PARP11: variants seen among roughly 807,000 people sequenced by gnomAD.
PARP11 encodes poly(ADP-ribose) polymerase family member 11, also known as protein mono-ADP-ribosyltransferase PARP11.
PARP11 carries 31 observed loss-of-function variants against 42.9 expected under a neutral mutation model. The ratio of observed to expected loss-of-function variants is 0.72; its 90% CI spans 0.54 to 0.98. The LOEUF (loss-of-function observed/expected upper bound fraction) is 0.98, where lower values mean the gene tolerates loss of function less well. Ranked by LOEUF, PARP11 falls within the 50% of genes least tolerant of loss-of-function variation. PARP11 has a pLI of 0.00. For missense variants in PARP11, 365 were observed against 413.1 expected (o/e 0.88, Z 1.01); for synonymous variants, 137 against 127.3 (o/e 1.08, Z -0.51).
chr12:3,848,085 T>C (rs892766523), intron 1 of PARP11, among the ~76,000 whole-genome samples: 4 of 151,876 alleles, frequency 2.6e-5, no homozygotes, highest in African/African-American at 9.7e-5. Context: ...GAATATAAAA[T>C]ACATACGAGT....
At position 3,828,893 on chromosome 12, in the gene PARP11, T is replaced by G; in HGVS notation, c.268+17A>C. 1.9e-6 allele frequency: 3 copies of G among 1,611,082 alleles called. No homozygotes were observed. The highest frequency in any genetic ancestry group is 2.5e-6 in the Non-Finnish European group (3 of 1,177,900). ...CAATATACTAAAAACACACAACTAT[T>G]AGGGAAAAAAACATACCTGCAAAGT... On this transcript the variant is annotated intron_variant, in intron 3 of 7. Transcript: ENST00000228820.
intron 1 of PARP11, among the ~76,000 whole-genome samples, chr12:3,863,031 G>T (rs537325870): frequency 6.6e-6 from 1 of 152,214 alleles, no homozygotes; most frequent in South Asian, 2.1e-4. Context: ...ACTTATTTAG[G>T]TCTTAATTTT....
intron 1 of PARP11, among the ~76,000 whole-genome samples, chr12:3,848,444 T>G (rs930098308): frequency 6.6e-6 from 1 of 152,076 alleles, no homozygotes; most frequent in Non-Finnish European, 1.5e-5. Context: ...AGCACGATAC[T>G]TGCATAAAAA....
Position 3,828,898 on chromosome 12 carries a change from A to G in PARP11, c.268+12T>C, listed in dbSNP as rs775661386. On this transcript the variant is annotated intron_variant, in intron 3 of 7. Coordinates refer to ENST00000228820, the MANE Select transcript of PARP11 (RefSeq NM_020367.6). The stretch of plus-strand genomic sequence containing the variant: ...TACTAAAAACACACAACTATTAGGG[A>G]AAAAAACATACCTGCAAAGTCTATC... The G allele has an allele frequency of 3.5e-5, 57 of 1,610,590 alleles. No individual in the cohort carries two copies. Among genetic ancestry groups the G allele is most frequent in the Admixed American group, 5.0e-5 (3 of 59,894 alleles).
chr12:3,828,823 T>C, intron 3 of PARP11, 87 bp downstream of exon 3: 2 of 1,184,526 alleles, frequency 1.7e-6, no homozygotes, highest in Admixed American at 2.2e-5. Flanking sequence ...TGTTTGCAAA[T>C]ATATCAACTA....
At chr12:3,829,116 G>C in intron 2 of PARP11, 86 bp from the exon 3 acceptor site, 1 of 1,419,158 alleles carries the variant, frequency 7.0e-7, no homozygotes, top group Non-Finnish European at 9.8e-7. Context: ...CATAGAGACA[G>C]GGAATGGAGG....
At chr12:3,854,869 C>A (rs746323792) in intron 1 of PARP11, among the ~76,000 whole-genome samples, 1 of 151,998 alleles carries the variant, frequency 6.6e-6, no homozygotes, top group Non-Finnish European at 1.5e-5. Context: ...TGAACATCAA[C>A]GCAAAAATCC....
At chr12:3,812,471 T>C in intron 7 of PARP11, 32 bp from the exon 8 acceptor site, 1 of 1,511,380 alleles carries the variant, frequency 6.6e-7, no homozygotes, top group Non-Finnish European at 9.0e-7. Flanking sequence ...AAAGCCAAGA[T>C]TACTCCGAAG....
intron 1 of PARP11, among the ~76,000 whole-genome samples, chr12:3,855,729 C>G (rs1259774305): frequency 6.6e-6 from 1 of 152,128 alleles, no homozygotes. Flanking sequence ...CAATGCCATC[C>G]CCATCAAGCT....
At chr12:3,812,905 C>T (rs1483840709) in intron 7 of PARP11, among the ~76,000 whole-genome samples, 1 of 152,066 alleles carries the variant, frequency 6.6e-6, no homozygotes, top group Non-Finnish European at 1.5e-5. Flanking sequence ...CAGGTTCAAG[C>T]GATTCTCCTC....
intron 1 of PARP11, among the ~76,000 whole-genome samples, chr12:3,844,967 A>C (rs1346161988): frequency 2.0e-5 from 3 of 152,344 alleles, no homozygotes; most frequent in South Asian, 4.1e-4. Flanking sequence ...GTATGTTGAC[A>C]TATTTCTTTA....
At chr12:3,850,953 T>C (rs1258516377) in intron 1 of PARP11, among the ~76,000 whole-genome samples, 30 of 152,150 alleles carry the variant, frequency 2.0e-4, no homozygotes, top group Admixed American at 1.9e-3. Context: ...TACATAAAGC[T>C]AAAAACAAAA....
chr12:3,842,512 G>A (rs3816502), intron 1 of PARP11: 51 of 1,578,818 alleles, frequency 3.2e-5, no homozygotes, highest in East Asian at 1.8e-4. Flanking sequence ...GGGACAGCAC[G>A]CTTGACGGTT....
intron 1 of PARP11, among the ~76,000 whole-genome samples, chr12:3,833,860 TC>T (rs917239976): frequency 8.5e-5 from 13 of 152,096 alleles, no homozygotes; most frequent in African/African-American, 1.2e-4. Context: ...GGGCTCCCTC[TC>T]CCTCAGGCTT....
At chr12:3,857,049 G>A (rs1011401296) in intron 1 of PARP11, among the ~76,000 whole-genome samples, 12 of 149,992 alleles carry the variant, frequency 8.0e-5, no homozygotes, top group Non-Finnish European at 1.0e-4. Flanking sequence ...AACACCGCAC[G>A]TTCTCACTCA....
intron 6 of PARP11, among the ~76,000 whole-genome samples, chr12:3,821,642 G>C (rs1398048977): frequency 1.3e-5 from 2 of 152,154 alleles, no homozygotes; most frequent in Non-Finnish European, 2.9e-5. Flanking sequence ...AAGATGCATA[G>C]CTCTAAACCT....
In PARP11 at chr12:3,840,114, G is replaced by T. The variant is rs1947856122; in HGVS notation, c.19-10096C>A. 6.2e-7 allele frequency: 1 copy of T among 1,610,424 alleles called. No individual in the cohort carries two copies. Among genetic ancestry groups the T allele is most frequent in the African/African-American group, 1.3e-5 (1 of 74,864 alleles). ...TTTGGCTGGAGTCTAAACAAGCTCA[G>T]CAAAAACGTGATTATTCCATTGCTG... is the stretch of plus-strand genomic sequence containing the variant. On this transcript the variant is annotated intron_variant, in intron 1 of 7. Transcript: ENST00000228820. The surrounding 1 kb of genome is among the most constrained non-coding windows in gnomAD (Gnocchi z 4.4).
intron 4 of PARP11, among the ~76,000 whole-genome samples, chr12:3,822,732 GTT>G (rs141594640): frequency 2.6e-5 from 4 of 151,034 alleles, no homozygotes; most frequent in Admixed American, 2.6e-4. Context: ...GTTCTGTCTT[GTT>G]TTTTTTGAAA....
intron 3 of PARP11, among the ~76,000 whole-genome samples, chr12:3,828,135 T>C (rs1312835387): frequency 6.6e-6 from 1 of 152,202 alleles, no homozygotes; most frequent in African/African-American, 2.4e-5. Flanking sequence ...GCAATGTCCA[T>C]TAAAGAAATT....
Sources: allele counts gnomAD v4.1 joint callset (sites outside exome capture counted in the v4.1 genomes callset), GRCh38; gene constraint gnomAD v4.1.1; non-coding constraint Gnocchi (gnomAD v3.1); transcripts MANE v1.5; gene names NCBI Gene and HGNC (gene_info 2026-07-23, HGNC 2026-07-21).